The following VWA8 variants were observed in gnomAD, a reference collection of about 807,000 sequenced individuals.
VWA8 encodes the protein von Willebrand factor A domain-containing protein 8.
VWA8 carries 221 observed loss-of-function variants against 241.5 expected under a neutral mutation model. That is an observed-to-expected ratio of 0.91 (90% CI 0.82 to 1.02). The LOEUF (loss-of-function observed/expected upper bound fraction) is 1.02. Ranked by LOEUF, VWA8 falls within the 50% of genes least tolerant of loss-of-function variation. The pLI is 0.00. For missense variants in VWA8, 2,322 were observed against 2,328.7 expected (o/e 1.00, Z 0.06); for synonymous variants, 852 against 827.1 (o/e 1.03, Z -0.52).
At chr13:41,700,958 G>A (rs942673262) in intron 28 of VWA8, among the ~76,000 whole-genome samples, 4 of 152,116 alleles carry the variant, frequency 2.6e-5, no homozygotes, top group South Asian at 2.1e-4. Flanking sequence ...CAGAAGTGTG[G>A]ATGCCAAAAA....
At chr13:41,841,913 G>A (rs1872074917) in intron 12 of VWA8, among the ~76,000 whole-genome samples, 1 of 124,546 alleles carries the variant, frequency 8.0e-6, no homozygotes, top group Non-Finnish European at 1.6e-5. Context: ...CACTAATAAT[G>A]ATTTTGTTTT....
intron 37 of VWA8, among the ~76,000 whole-genome samples, chr13:41,620,434 T>C (rs1001364945): frequency 2.0e-5 from 3 of 152,192 alleles, no homozygotes; most frequent in East Asian, 3.8e-4. Flanking sequence ...CTGGATTCAT[T>C]GATTTTTTGA....
At chr13:41,622,924 G>T (rs2044666381) in intron 37 of VWA8, among the ~76,000 whole-genome samples, 1 of 152,220 alleles carries the variant, frequency 6.6e-6, no homozygotes, top group Non-Finnish European at 1.5e-5. Context: ...CATTTCTCAT[G>T]TGAGCCTACC....
intron 8 of VWA8, 115 bp from the exon 9 acceptor site, chr13:41,883,606 G>T: frequency 5.8e-6 from 4 of 684,824 alleles, no homozygotes; most frequent in South Asian, 1.9e-5. Flanking sequence ...ATAGGTGTCT[G>T]GTATTTTCTG....
chr13:41,800,875 C>T (rs1869926880), intron 17 of VWA8, among the ~76,000 whole-genome samples: 1 of 151,046 alleles, frequency 6.6e-6, no homozygotes, highest in Non-Finnish European at 1.5e-5. Flanking sequence ...TATAAAATCA[C>T]ACAAAAATTA....
intron 14 of VWA8, among the ~76,000 whole-genome samples, chr13:41,819,909 T>G (rs1295674822): frequency 6.6e-6 from 1 of 152,180 alleles, no homozygotes; most frequent in African/African-American, 2.4e-5. Flanking sequence ...TAAGAACACT[T>G]AAGTCTTAAA....
chr13:41,747,878 C>G (rs1459500870), intron 21 of VWA8, among the ~76,000 whole-genome samples: 1 of 152,106 alleles, frequency 6.6e-6, no homozygotes, highest in Non-Finnish European at 1.5e-5. Flanking sequence ...GTTTTTGGTT[C>G]TGTTTATATG....
chr13:41,570,538 T>A lies in VWA8; in HGVS notation c.5539A>T (p.Ile1847Phe), dbSNP rs772570915. The A allele has an allele frequency of 1.9e-6, 3 of 1,614,180 alleles. No individual in the cohort carries two copies. The highest frequency in any genetic ancestry group is 2.5e-6 in the Non-Finnish European group (3 of 1,180,028). ...YGIHPAKFAQ[I>F]LTRDPQVNAF... ...TTTACTTGAGGGTCTCTTGTGAGGA[T>A]TTGAGCAAACTTAGCAGGATGTATT... The change falls in exon 44 of 45, where the codon ATC becomes TTC. Residue 1847 changes from isoleucine to phenylalanine, a missense_variant. Physicochemically the swap from Ile to Phe is conservative, Grantham distance 21 (BLOSUM62 0). Coordinates refer to ENST00000379310, the MANE Select transcript of VWA8 (RefSeq NM_015058.2).
rs757115134 is a variant in VWA8, at chr13:41,692,888, G to T, written c.3649C>A (p.Pro1217Thr). 110 of 1,611,036 alleles carry T rather than the reference G, an allele frequency of 6.8e-5. No homozygotes were observed. In the Admixed American group the frequency reaches 1.4e-3, roughly 21 times the overall value. The stretch of plus-strand genomic sequence containing the variant: ...GCTTCTTCTTTGTTCCACCAGAAAG[G>T]TTTCTTAGATGTAAACTTCTCGGAA... The part of the protein sequence containing the change: ...LPSEKFTSKK[P>T]FWWNKEEAET... Residue 1217 changes from proline (P) to threonine (T), a missense_variant, in exon 30 of 45, where the codon CCT (proline) becomes ACT (threonine). By Grantham distance (38) the Pro-to-Thr change is conservative. Transcript: ENST00000379310.
Position 41,833,450 on chromosome 13 carries a change from T to G in VWA8, c.1507A>C (p.Asn503His). 1 of 1,613,984 alleles carries G rather than the reference T, an allele frequency of 6.2e-7. No individual in the cohort carries two copies. Among genetic ancestry groups the G allele is most frequent in the African/African-American group, 1.3e-5 (1 of 75,022 alleles). The stretch of plus-strand genomic sequence containing the variant: ...ACCAGCTTGCCTTCCAGAGCAGCAT[T>G]CACAAGGGGTGAGGACCGCCAGGCA... ...DTAWRSSPLV[N>H]AALEGKLVLL... The change falls in exon 13 of 45, where the codon AAT (asparagine) becomes CAT (histidine). Residue 503 changes from asparagine (N) to histidine (H), a missense_variant. Physicochemically the swap from Asn to His is moderately conservative, Grantham distance 68. Transcript: ENST00000379310.
At chr13:41,677,766 A>C (rs1043197101) in intron 35 of VWA8, among the ~76,000 whole-genome samples, 21 of 151,344 alleles carry the variant, frequency 1.4e-4, no homozygotes, top group African/African-American at 4.6e-4. Flanking sequence ...TTAGAATTAT[A>C]TATTTATCTA....
At chr13:41,675,935 G>A (rs78876357) in intron 35 of VWA8, among the ~76,000 whole-genome samples, 3 of 152,120 alleles carry the variant, frequency 2.0e-5, no homozygotes, top group Non-Finnish European at 4.4e-5. Context: ...ACAGGGGAAG[G>A]TGAGGTGAGG....
chr13:41,771,695 A>T (rs1414913194), intron 20 of VWA8, among the ~76,000 whole-genome samples: 1 of 151,932 alleles, frequency 6.6e-6, no homozygotes, highest in African/African-American at 2.4e-5. Context: ...CCTTCTGCCT[A>T]AGCACCCTGA....
At chr13:41,698,779 A>G (rs2045230775) in intron 29 of VWA8, among the ~76,000 whole-genome samples, 3 of 152,310 alleles carry the variant, frequency 2.0e-5, no homozygotes, top group South Asian at 4.1e-4. Flanking sequence ...TATCTCCCCA[A>G]AATGAGTGTA....
intron 37 of VWA8, among the ~76,000 whole-genome samples, chr13:41,632,874 T>C (rs1247402972): frequency 6.6e-6 from 1 of 152,196 alleles, no homozygotes; most frequent in Non-Finnish European, 1.5e-5. Context: ...GGTTCAAAAC[T>C]ATTTGTAAGA....
intron 34 of VWA8, 33 bp downstream of exon 34, chr13:41,689,321 A>G (rs761406245): frequency 1.3e-6 from 2 of 1,594,616 alleles, no homozygotes; most frequent in African/African-American, 2.7e-5. Context: ...GGAAAGAAAC[A>G]TTTATCCGAT....
At chr13:41,576,810 G>C (rs2044353532) in intron 42 of VWA8, among the ~76,000 whole-genome samples, 1 of 152,216 alleles carries the variant, frequency 6.6e-6, no homozygotes, top group Non-Finnish European at 1.5e-5. Context: ...TGGGTTCCTG[G>C]AAGTTCTGTG....
intron 2 of VWA8, among the ~76,000 whole-genome samples, chr13:41,920,049 C>T (rs1876439741): frequency 6.6e-6 from 1 of 152,196 alleles, no homozygotes; most frequent in Admixed American, 6.5e-5. Flanking sequence ...GGCTGTACTG[C>T]TCCCTGTCCC....
At chr13:41,594,689 G>A (rs2044477388) in intron 40 of VWA8, among the ~76,000 whole-genome samples, 3 of 152,024 alleles carry the variant, frequency 2.0e-5, no homozygotes, top group South Asian at 2.1e-4. Context: ...ATCAGCTCAC[G>A]GAATTATTTC....
Sources: allele counts gnomAD v4.1 joint callset (sites outside exome capture counted in the v4.1 genomes callset), GRCh38; gene constraint gnomAD v4.1.1; transcripts MANE v1.5; gene names NCBI Gene and HGNC (gene_info 2026-07-23, HGNC 2026-07-21).